The following SEZ6L variants were observed in gnomAD, a reference collection of about 807,000 sequenced individuals.
SEZ6L encodes the protein seizure related 6 homolog like, also known as seizure 6-like protein.
In SEZ6L, 37 loss-of-function variants were observed where a neutral mutation model predicts 106.2. The observed-to-expected ratio is 0.35, with a 90% confidence interval of 0.27 to 0.46. The LOEUF is 0.46. Among genes scored for constraint, SEZ6L ranks in the 20% least tolerant of loss-of-function variants. The pLI, the probability that SEZ6L is intolerant of heterozygous loss-of-function variation, is 1.00. For missense variants in SEZ6L, 1,172 were observed against 1,332.8 expected (o/e 0.88, Z 1.88); for synonymous variants, 541 against 570.4 (o/e 0.95, Z 0.73).
intron 1 of SEZ6L, among the ~76,000 whole-genome samples, chr22:26,244,038 C>A (rs554748681): frequency 6.6e-6 from 1 of 152,204 alleles, no homozygotes; most frequent in South Asian, 2.1e-4. Context: ...TGGCACAAAC[C>A]TATAGTCCCA....
At chr22:26,290,513 C>G (rs2081076687) in intron 1 of SEZ6L, among the ~76,000 whole-genome samples, 1 of 152,050 alleles carries the variant, frequency 6.6e-6, no homozygotes, top group African/African-American at 2.4e-5. Flanking sequence ...GCCTGGGCGA[C>G]AGAGTGAGAC....
intron 1 of SEZ6L, among the ~76,000 whole-genome samples, chr22:26,291,826 A>T (rs1379752122): frequency 1.3e-5 from 2 of 152,084 alleles, no homozygotes; most frequent in African/African-American, 4.8e-5. Context: ...TCTCTTTCCA[A>T]GCATTCATCA....
chr22:26,274,882 AC>A (rs767281066), intron 1 of SEZ6L, among the ~76,000 whole-genome samples: 180 of 152,278 alleles, frequency 1.2e-3, no homozygotes, highest in Non-Finnish European at 6.2e-4. Flanking sequence ...ATGATTGACC[AC>A]TCATGTGGCT....
At chr22:26,355,473 A>G (rs1430936984) in intron 12 of SEZ6L, among the ~76,000 whole-genome samples, 1 of 152,176 alleles carries the variant, frequency 6.6e-6, no homozygotes, top group African/African-American at 2.4e-5. Context: ...CACGCCTGTA[A>G]TCCCAACACT....
At chr22:26,181,055 A>G (rs1939356313) in intron 1 of SEZ6L, among the ~76,000 whole-genome samples, 1 of 152,222 alleles carries the variant, frequency 6.6e-6, no homozygotes, top group African/African-American at 2.4e-5. Flanking sequence ...TTCCGTCTGC[A>G]AAATGAGAAT....
chr22:26,274,005 TG>T (rs1347723392), intron 1 of SEZ6L, among the ~76,000 whole-genome samples: 3 of 152,116 alleles, frequency 2.0e-5, no homozygotes, highest in Non-Finnish European at 2.9e-5. Context: ...TTCTCAGCCA[TG>T]GCCCCAAAAG....
At chr22:26,277,565 G>A (rs1175315631) in intron 1 of SEZ6L, among the ~76,000 whole-genome samples, 2 of 152,220 alleles carry the variant, frequency 1.3e-5, no homozygotes, top group African/African-American at 2.4e-5. Flanking sequence ...TTGCTTGTAA[G>A]TCAAAGCACG....
rs2146095428 is a variant in SEZ6L, at chr22:26,380,612, A to G, written c.*317A>G. The stretch of plus-strand genomic sequence containing the variant: ...GCAGATGGAGTTTCTCCCATCAGCA[A>G]TGCCATGCTAAGGCTGCATTGAATT... On this transcript the variant is annotated 3_prime_UTR_variant, in exon 17 of 17. Coordinates refer to ENST00000248933, the MANE Select transcript of SEZ6L (RefSeq NM_021115.5). The G allele has an allele frequency of 3.3e-6, 1 of 306,732 alleles. No homozygotes were observed. Among genetic ancestry groups the G allele is most frequent in the South Asian group, 6.8e-5 (1 of 14,720 alleles). 19.0% of individuals were successfully genotyped at this position (306,732 alleles called of 1,614,324 possible). A position where few individuals can be genotyped will look rare whatever the true frequency, so the allele number is the denominator to read the frequency against.
At chr22:26,239,030 C>T (rs182262497) in intron 1 of SEZ6L, among the ~76,000 whole-genome samples, 6 of 152,272 alleles carry the variant, frequency 3.9e-5, no homozygotes, top group African/African-American at 1.4e-4. Context: ...CAAGACTAGC[C>T]TAGGCAACAT....
Position 26,336,406 on chromosome 22 carries a change from G to A in SEZ6L, c.2016-4030G>A, listed in dbSNP as rs530656443. Among the ~76,000 whole-genome samples, 18 of 152,156 alleles carry A rather than the reference G, an allele frequency of 1.2e-4. No homozygotes were observed. In the South Asian group the frequency reaches 2.9e-3, roughly 25 times the overall value. ...TTCGTTGAGTCCTTCCCTTCTTCTT[G>A]TCTCATTTCCCCACCAGTGCTGCCT... On this transcript the variant is annotated intron_variant, in intron 9 of 16. Coordinates refer to ENST00000248933, the MANE Select transcript of SEZ6L (RefSeq NM_021115.5).
chr22:26,175,154 C>T (rs917952618), intron 1 of SEZ6L, among the ~76,000 whole-genome samples: 5 of 152,116 alleles, frequency 3.3e-5, no homozygotes, highest in South Asian at 2.1e-4. Context: ...TTGCCAGATG[C>T]GCATGGGATG....
intron 1 of SEZ6L, among the ~76,000 whole-genome samples, chr22:26,181,230 T>C (rs1939368496): frequency 6.6e-6 from 1 of 152,190 alleles, no homozygotes; most frequent in African/African-American, 2.4e-5. Context: ...GTGGCAGCCC[T>C]GAATATGGAA....
intron 9 of SEZ6L, among the ~76,000 whole-genome samples, chr22:26,331,719 C>T (rs548179996): frequency 2.6e-5 from 4 of 152,186 alleles, no homozygotes; most frequent in East Asian, 1.9e-4. Flanking sequence ...CGTGGTGGCT[C>T]AAGCCTGTAT....
At chr22:26,197,253 T>G (rs1020300146) in intron 1 of SEZ6L, among the ~76,000 whole-genome samples, 2 of 152,170 alleles carry the variant, frequency 1.3e-5, no homozygotes, top group Non-Finnish European at 2.9e-5. Flanking sequence ...CCCTATTGAT[T>G]CCCAGCAACT....
intron 9 of SEZ6L, among the ~76,000 whole-genome samples, chr22:26,327,659 C>A (rs1391699107): frequency 6.8e-6 from 1 of 148,118 alleles, no homozygotes; most frequent in East Asian, 2.0e-4. Context: ...ACACACCACG[C>A]CCACACCACA....
intron 1 of SEZ6L, among the ~76,000 whole-genome samples, chr22:26,247,981 G>C (rs1339592558): frequency 6.6e-6 from 1 of 152,190 alleles, no homozygotes; most frequent in African/African-American, 2.4e-5. Flanking sequence ...AGCCTCCAGA[G>C]AGTGTCCAGG....
At chr22:26,328,060 G>T (rs1473068599) in intron 9 of SEZ6L, among the ~76,000 whole-genome samples, 1 of 152,116 alleles carries the variant, frequency 6.6e-6, no homozygotes, top group Non-Finnish European at 1.5e-5. Context: ...AAAGTGTGTG[G>T]GTCCAACCTT....
At chr22:26,342,651 G>A (rs1289629324) in intron 10 of SEZ6L, among the ~76,000 whole-genome samples, 2 of 152,168 alleles carry the variant, frequency 1.3e-5, no homozygotes, top group African/African-American at 4.8e-5. Flanking sequence ...AGCCAAGATT[G>A]CGCCACTGAC....
chr22:26,193,994 A>G (rs574456005), intron 1 of SEZ6L, among the ~76,000 whole-genome samples: 1 of 152,318 alleles, frequency 6.6e-6, no homozygotes, highest in South Asian at 2.1e-4. Flanking sequence ...TGATAGGGAT[A>G]AGACACAGAA....
Sources: gnomAD v4.1 joint callset for allele counts (sites outside exome capture counted in the v4.1 genomes callset) on GRCh38, gnomAD v4.1.1 for gene constraint, MANE v1.5 for transcripts, NCBI Gene and HGNC (gene_info 2026-07-23, HGNC 2026-07-21) for gene names.